The following EHBP1 variants were observed in gnomAD, a reference collection of about 807,000 sequenced individuals.
EHBP1 encodes EH domain binding protein 1, also known as EH domain-binding protein 1.
In EHBP1, 55 loss-of-function variants were observed where a neutral mutation model predicts 144.0. The ratio of observed to expected loss-of-function variants is 0.38; its 90% CI spans 0.31 to 0.48. The LOEUF (loss-of-function observed/expected upper bound fraction) is 0.48, where lower values mean the gene tolerates loss of function less well. Ranked by LOEUF, EHBP1 falls within the 20% of genes least tolerant of loss-of-function variation. The probability of loss-of-function intolerance (pLI) is 0.98; values close to 1 mark genes in which losing one functional copy is unlikely to be tolerated. For synonymous variants in EHBP1, 469 were observed against 472.7 expected (o/e 0.99, Z 0.10); for missense variants, 1,200 against 1,364.2 (o/e 0.88, Z 1.90).
At chr2:62,867,323 A>G (rs902544575) in intron 9 of EHBP1, among the ~76,000 whole-genome samples, 1 of 152,174 alleles carries the variant, frequency 6.6e-6, no homozygotes, top group African/African-American at 2.4e-5. Flanking sequence ...ACAATTGTTT[A>G]TATAGAAAAG....
chr2:62,751,959 A>C (rs546458635), intron 3 of EHBP1, among the ~76,000 whole-genome samples: 1 of 151,302 alleles, frequency 6.6e-6, no homozygotes, highest in South Asian at 2.1e-4. Flanking sequence ...TTTTTTTTGA[A>C]GGGTTTTTTG....
chr2:62,759,385 A>G (rs1010207776), intron 3 of EHBP1, among the ~76,000 whole-genome samples: 7 of 152,072 alleles, frequency 4.6e-5, no homozygotes, highest in Non-Finnish European at 8.8e-5. Context: ...CATAGTGCTG[A>G]TGTTTGCCAA....
Position 62,897,444 on chromosome 2 carries a change from A to G in EHBP1, c.1185+22912A>G, listed in dbSNP as rs150744396. Among the ~76,000 whole-genome samples the G allele has an allele frequency of 3.9e-5, 6 of 152,318 alleles. No homozygotes were observed. The East Asian group carries it at 1.2e-3, about 29-fold the overall frequency. ...ATATATTATTTCATATATGTTGGAT[A>G]AATTTTCTGAAGTGAGTCAAAGTAT... On this transcript the variant is annotated intron_variant, in intron 10 of 22. Transcript: ENST00000431489.
At chr2:62,888,278 C>T (rs1396024009) in intron 10 of EHBP1, among the ~76,000 whole-genome samples, 4 of 152,170 alleles carry the variant, frequency 2.6e-5, no homozygotes, top group African/African-American at 4.8e-5. Flanking sequence ...CACTTACAGG[C>T]CCTTGTAAAC....
upstream of EHBP1, among the ~76,000 whole-genome samples, chr2:62,703,812 T>C (rs976283301): frequency 2.0e-5 from 3 of 152,222 alleles, no homozygotes; most frequent in Non-Finnish European, 4.4e-5. Flanking sequence ...TTCTTTACAA[T>C]AAAGTCAGTC....
intron 3 of EHBP1, among the ~76,000 whole-genome samples, chr2:62,748,872 ACATATGTGTAATACACAGATCT>A (rs1402798484): frequency 6.6e-6 from 1 of 152,168 alleles, no homozygotes; most frequent in East Asian, 1.9e-4. Context: ...GCTAAAACTT[ACATATGTGTAATACACAGATCT>A]TAATTTTATA....
At chr2:62,855,936 G>C (rs1573735063) in intron 7 of EHBP1, among the ~76,000 whole-genome samples, 2 of 152,278 alleles carry the variant, frequency 1.3e-5, no homozygotes, top group East Asian at 3.9e-4. Flanking sequence ...CTGCAGAGTT[G>C]ACAGGATTAC....
chr2:62,850,209 C>T (rs1370469972), intron 7 of EHBP1, among the ~76,000 whole-genome samples: 2 of 152,056 alleles, frequency 1.3e-5, no homozygotes, highest in African/African-American at 4.8e-5. Flanking sequence ...TATTTTAGAC[C>T]ATCTTAAAAT....
intron 19 of EHBP1, among the ~76,000 whole-genome samples, chr2:63,011,306 G>A (rs2060258560): frequency 6.6e-6 from 1 of 151,782 alleles, no homozygotes; most frequent in African/African-American, 2.4e-5. Context: ...TTAAGTCATA[G>A]GAACCTAAAC....
chr2:62,943,578 A>G (rs1189003428), intron 11 of EHBP1, among the ~76,000 whole-genome samples: 1 of 152,156 alleles, frequency 6.6e-6, no homozygotes, highest in African/African-American at 2.4e-5. Context: ...CCTCTCTTTT[A>G]GATGGAAAGC....
chr2:62,684,265 G>A (rs1000769837), intron 1 of EHBP1, among the ~76,000 whole-genome samples: 7 of 151,900 alleles, frequency 4.6e-5, no homozygotes, highest in African/African-American at 1.5e-4. Flanking sequence ...AAAGAGATGC[G>A]ACAATAAGTA....
At chr2:63,000,190 G>A (rs1388953407) in intron 19 of EHBP1, among the ~76,000 whole-genome samples, 1 of 152,138 alleles carries the variant, frequency 6.6e-6, no homozygotes, top group Non-Finnish European at 1.5e-5. Context: ...AGTAGGAAAG[G>A]AATGTAAAAG....
At chr2:62,995,263 CTT>C (rs1406808233) in intron 18 of EHBP1, among the ~76,000 whole-genome samples, 2 of 151,912 alleles carry the variant, frequency 1.3e-5, no homozygotes, top group East Asian at 3.9e-4. Flanking sequence ...AATACAGTGA[CTT>C]TTAAAATCAA....
At chr2:62,759,312 G>A (rs1206487861) in intron 3 of EHBP1, among the ~76,000 whole-genome samples, 2 of 152,168 alleles carry the variant, frequency 1.3e-5, no homozygotes, top group African/African-American at 4.8e-5. Context: ...GTGTGTTCCT[G>A]TGCCTACTTA....
At chr2:63,026,483 C>G (rs2060990391) in intron 19 of EHBP1, among the ~76,000 whole-genome samples, 1 of 152,168 alleles carries the variant, frequency 6.6e-6, no homozygotes, top group South Asian at 2.1e-4. Context: ...TCACAGAACT[C>G]TATGAAATAG....
intron 19 of EHBP1, among the ~76,000 whole-genome samples, chr2:63,018,689 G>A (rs761477237): frequency 1.3e-5 from 2 of 152,102 alleles, no homozygotes; most frequent in South Asian, 2.1e-4. Flanking sequence ...GTTTCTACCC[G>A]TGATATTTAG....
chr2:62,830,582 C>G (rs946125218), intron 6 of EHBP1, among the ~76,000 whole-genome samples: 1 of 152,156 alleles, frequency 6.6e-6, no homozygotes, highest in African/African-American at 2.4e-5. Flanking sequence ...AATATTTTCT[C>G]CCACTCTGTG....
At chr2:62,698,706 A>C (rs747177138) in intron 1 of EHBP1, among the ~76,000 whole-genome samples, 1 of 152,250 alleles carries the variant, frequency 6.6e-6, no homozygotes, top group Non-Finnish European at 1.5e-5. Flanking sequence ...CTGTAAGCCC[A>C]GTCACTAATT....
intron 5 of EHBP1, among the ~76,000 whole-genome samples, chr2:62,802,897 G>C (rs970923378): frequency 1.3e-5 from 2 of 151,990 alleles, no homozygotes; most frequent in African/African-American, 4.8e-5. Flanking sequence ...ACTAATTTTT[G>C]TATTTTTAGT....
Sources: gnomAD v4.1 joint callset for allele counts (sites outside exome capture counted in the v4.1 genomes callset) on GRCh38, gnomAD v4.1.1 for gene constraint, MANE v1.5 for transcripts, NCBI Gene and HGNC (gene_info 2026-07-23, HGNC 2026-07-21) for gene names.